The following DAAM1 variants were observed in gnomAD, a reference collection of about 807,000 sequenced individuals.
DAAM1 encodes disheveled-associated activator of morphogenesis 1.
In DAAM1, 52 loss-of-function variants were observed where a neutral mutation model predicts 130.0. The observed-to-expected ratio is 0.40, with a 90% CI of 0.32 to 0.50. The LOEUF is 0.50. Among genes scored for constraint, DAAM1 ranks in the 20% least tolerant of loss-of-function variants. The pLI is 0.61. For missense variants in DAAM1, 1,134 were observed against 1,303.8 expected (o/e 0.87, Z 2.01); for synonymous variants, 452 against 444.5 (o/e 1.02, Z -0.21).
intron 3 of DAAM1, among the ~76,000 whole-genome samples, chr14:59,292,409 G>C (rs1883779351): frequency 6.6e-6 from 1 of 152,106 alleles, no homozygotes; most frequent in Admixed American, 6.5e-5. Context: ...TTGCTATCTT[G>C]TGTAATTGCC....
chr14:59,280,866 G>A (rs563155005), intron 2 of DAAM1, among the ~76,000 whole-genome samples: 6 of 152,026 alleles, frequency 3.9e-5, no homozygotes, highest in Non-Finnish European at 7.4e-5. Flanking sequence ...TGTGATCAGA[G>A]GTAATAGTTT....
intron 1 of DAAM1, among the ~76,000 whole-genome samples, chr14:59,199,809 G>A (rs926840698): frequency 1.3e-5 from 2 of 152,168 alleles, no homozygotes; most frequent in Non-Finnish European, 2.9e-5. Context: ...ACTGTAGGAT[G>A]TTTAACAGCA....
At chr14:59,198,812 A>G (rs1887999677) in intron 1 of DAAM1, among the ~76,000 whole-genome samples, 1 of 152,198 alleles carries the variant, frequency 6.6e-6, no homozygotes, top group African/African-American at 2.4e-5. Flanking sequence ...TTGCACAGAG[A>G]AAAAGACACA....
intron 2 of DAAM1, among the ~76,000 whole-genome samples, chr14:59,274,283 GAATA>G (rs1323273357): frequency 1.3e-5 from 2 of 151,948 alleles, no homozygotes; most frequent in Non-Finnish European, 2.9e-5. Context: ...TAAAAACTCA[GAATA>G]TATATATGAC....
At chr14:59,241,220 T>C (rs1472948528) in intron 1 of DAAM1, among the ~76,000 whole-genome samples, 1 of 152,258 alleles carries the variant, frequency 6.6e-6, no homozygotes, top group Non-Finnish European at 1.5e-5. Flanking sequence ...CAATATGTTC[T>C]CTCCAATAAA....
At chr14:59,289,784 A>ATATATATATATATACAC in intron 2 of DAAM1, among the ~76,000 whole-genome samples, 1 of 128,770 alleles carries the variant, frequency 7.8e-6, no homozygotes, top group African/African-American at 2.9e-5. Flanking sequence ...ATATATATAT[A>ATATATATATATATACAC]ATGGAATGCT....
rs1244434932 is a variant in DAAM1 at position 59,285,687 on chromosome 14, A to G, written c.184-5530A>G. Among the ~76,000 whole-genome samples, 4 of 152,210 alleles carry G rather than the reference A, an allele frequency of 2.6e-5. No homozygotes were observed. In the South Asian group the frequency reaches 6.2e-4, roughly 24 times the overall value. On this transcript the variant is annotated intron_variant, in intron 2 of 24. Transcript: ENST00000360909. Reference sequence around the variant, plus strand: ...CAAAAAGGACAAAGAAAGGCATTGCATAATGATAAAGGGCCCAAGCCAACA... The same window carrying G: ...CAAAAAGGACAAAGAAAGGCATTGCGTAATGATAAAGGGCCCAAGCCAACA...
intron 1 of DAAM1, among the ~76,000 whole-genome samples, chr14:59,225,019 GTTTTTTTTTTTTTTT>G (rs869233694): frequency 1.1e-5 from 1 of 90,808 alleles, no homozygotes; most frequent in Admixed American, 1.2e-4. Flanking sequence ...ATCTGTGTGG[GTTTTTTTTTTTTTTT>G]TTTTTTTTTT....
intron 1 of DAAM1, among the ~76,000 whole-genome samples, chr14:59,217,523 A>G: frequency 6.6e-6 from 1 of 152,166 alleles, no homozygotes; most frequent in Non-Finnish European, 1.5e-5. Flanking sequence ...AGCAATATGT[A>G]GCTATTTAAA....
At chr14:59,219,346 TACTC>T (rs1888694675) in intron 1 of DAAM1, among the ~76,000 whole-genome samples, 1 of 152,186 alleles carries the variant, frequency 6.6e-6, no homozygotes, top group Non-Finnish European at 1.5e-5. Flanking sequence ...TAGGAAAACT[TACTC>T]TATGATGATT....
intron 15 of DAAM1, among the ~76,000 whole-genome samples, chr14:59,338,930 G>T (rs537121293): frequency 6.6e-6 from 1 of 152,208 alleles, no homozygotes; most frequent in South Asian, 2.1e-4. Context: ...TTGCAGTCAC[G>T]TCACTACAAA....
chr14:59,189,085 C>T (rs910165284), intron 1 of DAAM1, among the ~76,000 whole-genome samples: 8 of 152,166 alleles, frequency 5.3e-5, no homozygotes, highest in African/African-American at 1.7e-4. Flanking sequence ...CTAAGGCGCC[C>T]GGCTGGCCGA....
At position 59,352,565 on chromosome 14, in the gene DAAM1, T is replaced by C. The variant is rs552164791; in HGVS notation, c.2200T>C (p.Leu734=). The change falls in exon 18 of 25, where the codon TTG becomes CTG. Residue 734 remains leucine (L), a synonymous_variant. Transcript: ENST00000360909. ...TCCTGAAAAAAGTGACATTGACCTA[T>C]TGGAGGAACATAAACACGAACTGGA... The part of the protein sequence containing the change: ...FVPEKSDIDL[L]EEHKHELDRM... 4.8e-5 allele frequency: 78 copies of C among 1,613,576 alleles called. No individual in the cohort carries two copies. In the South Asian group the frequency reaches 8.1e-4, roughly 17 times the overall value.
At chr14:59,272,770 A>AGT (rs1435680520) in intron 2 of DAAM1, among the ~76,000 whole-genome samples, 32 of 152,168 alleles carry the variant, frequency 2.1e-4, no homozygotes, top group African/African-American at 7.7e-4. Flanking sequence ...GAAGATATGC[A>AGT]ATATATCACA....
intron 2 of DAAM1, among the ~76,000 whole-genome samples, chr14:59,280,316 T>G (rs918434342): frequency 3.3e-5 from 5 of 152,134 alleles, no homozygotes; most frequent in Admixed American, 3.3e-4. Context: ...ATGCCTGTAA[T>G]CTCAGCACTT....
chr14:59,355,557 T>G (rs1168397596), intron 20 of DAAM1, among the ~76,000 whole-genome samples: 1 of 152,248 alleles, frequency 6.6e-6, no homozygotes, highest in Non-Finnish European at 1.5e-5. Context: ...CCTTCATCCA[T>G]TTTTGGTCCA....
rs28648029 is a variant in DAAM1, at chr14:59,239,143, G to A, written c.-37-24298G>A. On this transcript the variant is annotated intron_variant, in intron 1 of 24. Coordinates refer to ENST00000360909, the MANE Select transcript of DAAM1 (RefSeq NM_001270520.2). ...TGTTGGGAAAATAAAATGATACTGT[G>A]CACACAAAAGTACTTAGAAACCCAT... 2.1e-3 allele frequency among the ~76,000 whole-genome samples: 318 copies of A among 152,232 alleles called. 1 individual carries two copies. Among genetic ancestry groups the A allele is most frequent in the African/African-American group, 7.2e-3 (298 of 41,550 alleles).
chr14:59,282,847 T>C (rs559930087), intron 2 of DAAM1, among the ~76,000 whole-genome samples: 18 of 152,308 alleles, frequency 1.2e-4, no homozygotes, highest in Admixed American at 2.0e-4. Flanking sequence ...GCTATTACTA[T>C]TAGCAGTACC....
intron 15 of DAAM1, among the ~76,000 whole-genome samples, chr14:59,336,940 A>G (rs915510475): frequency 1.3e-5 from 2 of 152,304 alleles, no homozygotes; most frequent in East Asian, 3.9e-4. Flanking sequence ...CATTTTACAG[A>G]CAGATAGACT....
Sources: allele counts gnomAD v4.1 joint callset (sites outside exome capture counted in the v4.1 genomes callset), GRCh38; gene constraint gnomAD v4.1.1; transcripts MANE v1.5; gene names NCBI Gene and HGNC (gene_info 2026-07-23, HGNC 2026-07-21).